The following CCDC40 variants were observed in gnomAD, a reference collection of about 807,000 sequenced individuals.
CCDC40 encodes coiled-coil domain 40 molecular ruler complex subunit, also known as coiled-coil domain-containing protein 40.
Under a neutral mutation model 124.5 loss-of-function variants are expected in CCDC40, and 104 were observed. The observed-to-expected ratio is 0.84, with a 90% CI of 0.71 to 0.98. The LOEUF is 0.98. Among genes scored for constraint, CCDC40 ranks in the 50% least tolerant of loss-of-function variants. CCDC40 has a pLI of 0.00. For missense variants in CCDC40, 1,463 were observed against 1,503.9 expected, an observed-to-expected ratio of 0.97 and a Z score of 0.45; for synonymous variants, 580 against 602.9, an observed-to-expected ratio of 0.96 and a Z score of 0.56.
intron 18 of CCDC40, among the ~76,000 whole-genome samples, chr17:80,096,549 G>C (rs12945883): frequency 0.7 from 105,610 of 150,770 alleles, 37,329 homozygotes; most frequent in Middle Eastern, 0.86. Flanking sequence ...GGCACCCCCT[G>C]AGTCCCCTGC....
In CCDC40 at chr17:80,044,458, C is replaced by T. The variant is rs370136021; in HGVS notation, c.553-2821C>T. ...CAGCACTTTGGGAGGCCGATGCAGG[C>T]GGATCACTTGAGGCCAGGAGTTCGA... On this transcript the variant is annotated intron_variant, in intron 3 of 19. Coordinates refer to ENST00000397545, the MANE Select transcript of CCDC40 (RefSeq NM_017950.4). Among the ~76,000 whole-genome samples the T allele has an allele frequency of 5.4e-3, 816 of 152,142 alleles. 3 individuals carry two copies. Among genetic ancestry groups the T allele is most frequent in the African/African-American group, 0.016 (652 of 41,482 alleles).
At chr17:80,090,262 C>A (rs761627509) in intron 17 of CCDC40, 6 of 799,084 alleles carry the variant, frequency 7.5e-6, no homozygotes, top group South Asian at 2.4e-5. Context: ...ACGGGACGCG[C>A]GCGGGCACGT....
At chr17:80,052,139 G>A (rs1201392605) in intron 7 of CCDC40, among the ~76,000 whole-genome samples, 1 of 152,242 alleles carries the variant, frequency 6.6e-6, no homozygotes, top group Admixed American at 6.5e-5. Context: ...ATCTGGGAGG[G>A]AGACTGTATT....
At chr17:80,045,113 G>A (rs959284984) in intron 3 of CCDC40, among the ~76,000 whole-genome samples, 16 of 152,208 alleles carry the variant, frequency 1.1e-4, no homozygotes, top group African/African-American at 3.9e-4. Flanking sequence ...CACCATCTGC[G>A]GAAGTGCCGT....
chr17:80,057,745 G>A (rs1279212885), intron 7 of CCDC40, among the ~76,000 whole-genome samples: 3 of 151,944 alleles, frequency 2.0e-5, no homozygotes, highest in South Asian at 2.1e-4. Context: ...GCGTGGTGGC[G>A]GGCGCCTGTA....
intron 13 of CCDC40, among the ~76,000 whole-genome samples, chr17:80,085,499 G>A (rs2038564335): frequency 6.6e-6 from 1 of 152,104 alleles, no homozygotes; most frequent in Non-Finnish European, 1.5e-5. Context: ...AGCTAGAGGG[G>A]GCTCCAGAGC....
rs776369091 is a variant in CCDC40 at position 80,058,853 on chromosome 17, C to G, written c.1318-5C>G. ...GACGGGGCTGCTTCTCATCCTGTTT[C>G]CCAGGACCTGTATGTGGACCAGCTC... is the stretch of plus-strand genomic sequence containing the variant. On this transcript the variant is annotated splice_region_variant and splice_polypyrimidine_tract_variant and intron_variant, in intron 8 of 19. Transcript: ENST00000397545. The surrounding 1 kb of genome is among the most constrained non-coding windows in gnomAD (Gnocchi z 4.2). 9.9e-6 allele frequency: 16 copies of G among 1,614,014 alleles called. No homozygotes were observed. The East Asian group carries it at 3.1e-4, about 31-fold the overall frequency.
At position 80,100,377 on chromosome 17, in the gene CCDC40, G is replaced by C. The variant is rs973492954; in HGVS notation, c.*602G>C. On this transcript the variant is annotated 3_prime_UTR_variant, in exon 20 of 20. Transcript: ENST00000397545. Reference sequence around the variant, plus strand: ...AGAAAGTCAGTGGCCCCAGACACACGTAACAGGGTGAGCACTGAAATAAGA... The same window carrying C: ...AGAAAGTCAGTGGCCCCAGACACACCTAACAGGGTGAGCACTGAAATAAGA... 1 of 163,436 alleles carries C rather than the reference G, an allele frequency of 6.1e-6. No individual in the cohort carries two copies. The highest frequency in any genetic ancestry group is 5.7e-5 in the Admixed American group (1 of 17,576). 10.1% of individuals were successfully genotyped at this position (163,436 alleles called of 1,614,324 possible).
chr17:80,067,521 T>G, intron 10 of CCDC40: 1 of 1,420,504 alleles, frequency 7.0e-7, no homozygotes, highest in Non-Finnish European at 9.6e-7. Context: ...CCTAGAGCGC[T>G]TCCCAAGTCA....
intron 10 of CCDC40, among the ~76,000 whole-genome samples, chr17:80,078,290 C>T (rs951123186): frequency 2.0e-5 from 3 of 146,508 alleles, no homozygotes; most frequent in Admixed American, 7.0e-5. Context: ...AAGATCACGC[C>T]ACTGCACTCC....
chr17:80,071,106 G>T (rs760211377), intron 10 of CCDC40, among the ~76,000 whole-genome samples: 15 of 152,142 alleles, frequency 9.9e-5, no homozygotes, highest in African/African-American at 1.4e-4. Flanking sequence ...CATCACATAC[G>T]CAGGGAAATG....
At chr17:80,042,737 G>T (rs1363145451) in intron 3 of CCDC40, among the ~76,000 whole-genome samples, 1 of 152,132 alleles carries the variant, frequency 6.6e-6, no homozygotes, top group African/African-American at 2.4e-5. Context: ...GTCTTGCCCT[G>T]ATCTTACAGG....
chr17:80,047,267 T>G lies in CCDC40; in HGVS notation c.553-12T>G. 6.2e-7 allele frequency: 1 copy of G among 1,613,902 alleles called. No homozygotes were observed. The highest frequency in any genetic ancestry group is 8.5e-7 in the Non-Finnish European group (1 of 1,179,850). On this transcript the variant is annotated splice_polypyrimidine_tract_variant and intron_variant, in intron 3 of 19. Coordinates refer to ENST00000397545, the MANE Select transcript of CCDC40 (RefSeq NM_017950.4). ...AGCCCTGTTGACTTAGTTTTGGTTG[T>G]TCTTGCCATAGACAGGATCCACAGA...
rs375586063 is a variant in CCDC40, at chr17:80,040,102, A to G, written c.384A>G (p.Ala128=). ...SPPQELPGEE[A]YDSVSGEAGL... ...CTCAGGAACTGCCTGGAGAGGAGGC[A>G]TACGATAGTGTTAGCGGGGAGGCTG... is the stretch of plus-strand genomic sequence containing the variant. The change falls in exon 3 of 20, where the codon GCA becomes GCG. Residue 128 remains alanine, a synonymous_variant. Coordinates refer to ENST00000397545, the MANE Select transcript of CCDC40 (RefSeq NM_017950.4). 1.3e-4 allele frequency: 215 copies of G among 1,614,062 alleles called. No individual in the cohort carries two copies. The highest frequency in any genetic ancestry group is 1.6e-4 in the Non-Finnish European group (194 of 1,180,022).
intron 19 of CCDC40, among the ~76,000 whole-genome samples, chr17:80,098,299 C>G (rs1323548327): frequency 6.6e-6 from 1 of 152,230 alleles, no homozygotes; most frequent in Non-Finnish European, 1.5e-5. Flanking sequence ...TGACTTTGGA[C>G]TTTTCTCTTG....
intron 16 of CCDC40, among the ~76,000 whole-genome samples, chr17:80,089,042 C>T (rs2038646709): frequency 6.6e-6 from 1 of 152,246 alleles, no homozygotes; most frequent in Non-Finnish European, 1.5e-5. Context: ...ACAATGCGTG[C>T]AAAGTACCCA....
Position 80,088,375 on chromosome 17 carries a change from C to T in CCDC40, c.2711+273C>T, listed in dbSNP as rs927508653. Reference sequence around the variant, plus strand: ...CAAGTGATTTTCCTGCCTCAACCTCCTGAGTAGCTGGGATTACAGGTGCCC... The same window carrying T: ...CAAGTGATTTTCCTGCCTCAACCTCTTGAGTAGCTGGGATTACAGGTGCCC... On this transcript the variant is annotated intron_variant, in intron 16 of 19. Transcript: ENST00000397545. The T allele has an allele frequency of 1.3e-4, 61 of 478,890 alleles. 1 individual carries two copies. The highest frequency in any genetic ancestry group is 2.1e-4 in the Non-Finnish European group (54 of 260,114). 29.7% of individuals were successfully genotyped at this position (478,890 alleles called of 1,614,324 possible). A position where few individuals can be genotyped will look rare whatever the true frequency, so the allele number is the denominator to read the frequency against.
rs1193599741 is a variant in CCDC40, at chr17:80,056,016, A to AT, written c.1160-2463dup. On this transcript the variant is annotated intron_variant, in intron 7 of 19. Transcript: ENST00000397545. Reference sequence around the variant, plus strand: ...TATATATATATATATATATATATATATTTTTTTTTTTTTTTGGTAGAAACA... The same window carrying AT: ...TATATATATATATATATATATATATATTTTTTTTTTTTTTTTGGTAGAAACA... Among the ~76,000 whole-genome samples, 5 of 10,252 alleles carry AT rather than the reference A, an allele frequency of 4.9e-4. 1 individual carries two copies. The South Asian group carries it at 0.026, about 53-fold the overall frequency. The allele number at this position is 10,252 out of a possible 152,430, so 6.7% of individuals were successfully genotyped here.
Position 80,058,440 on chromosome 17 carries a change from G to T in CCDC40, c.1160-54G>T. ...CCTGGGTCTCTGCATGGGGGACGCT[G>T]GGACAGCCTCCCCACTCACTCTCTC... On this transcript the variant is annotated intron_variant, in intron 7 of 19. Transcript: ENST00000397545. This position sits in a 1 kb window ranked among gnomAD's most constrained non-coding sequence, Gnocchi z 4.2. 2.5e-6 allele frequency: 4 copies of T among 1,573,986 alleles called. No homozygotes were observed. Among genetic ancestry groups the T allele is most frequent in the South Asian group, 2.2e-5 (2 of 90,116 alleles).
Sources: gnomAD v4.1 joint callset for allele counts (sites outside exome capture counted in the v4.1 genomes callset) on GRCh38, gnomAD v4.1.1 for gene constraint, Gnocchi (gnomAD v3.1) non-coding constraint, MANE v1.5 for transcripts, NCBI Gene and HGNC (gene_info 2026-07-23, HGNC 2026-07-21) for gene names.